The following TAGAP variants were observed in gnomAD, a reference collection of about 807,000 sequenced individuals.
TAGAP encodes the protein T-cell activation Rho GTPase-activating protein.
Under a neutral mutation model 36.0 loss-of-function variants are expected in TAGAP, and 16 were observed. The ratio of observed to expected loss-of-function variants is 0.44; its 90% CI spans 0.30 to 0.68. TAGAP has a LOEUF of 0.68. Ranked by LOEUF, TAGAP falls within the 30% of genes least tolerant of loss-of-function variation. The pLI is 0.09. For synonymous variants in TAGAP, 372 were observed against 377.4 expected (o/e 0.99, Z 0.17); for missense variants, 794 against 921.5 (o/e 0.86, Z 1.79).
In TAGAP at chr6:159,041,231, AAAATT is replaced by A. The variant is rs1007920374; in HGVS notation, c.477+118_477+122del. Reference sequence around the variant, plus strand: ...TAAATAAATAAAGGGCTTAATGAAAAAAATTAAACTCCAAGATCAGTGTACCTTGC... The same window carrying A: ...TAAATAAATAAAGGGCTTAATGAAAAAAACTCCAAGATCAGTGTACCTTGC... On this transcript the variant is annotated intron_variant, in intron 6 of 9. Coordinates refer to ENST00000367066, the MANE Select transcript of TAGAP (RefSeq NM_054114.5). This position sits in a 1 kb window ranked among gnomAD's most constrained non-coding sequence, Gnocchi z 4.1. 7 of 1,257,680 alleles carry A rather than the reference AAAATT, an allele frequency of 5.6e-6. No homozygotes were observed. In the African/African-American group the frequency reaches 7.5e-5, roughly 14 times the overall value. 77.9% of individuals were successfully genotyped at this position (1,257,680 alleles called of 1,614,324 possible).
At chr6:159,042,616 G>C (rs1779796412) in intron 4 of TAGAP, 1 of 172,956 alleles carries the variant, frequency 5.8e-6, no homozygotes, top group African/African-American at 2.4e-5. Context: ...GGAAATTTCT[G>C]ATATGAAATA....
Position 159,035,981 on chromosome 6 carries a change from C to T in TAGAP, c.2042G>A (p.Gly681Glu). 1 of 1,614,104 alleles carries T rather than the reference C, an allele frequency of 6.2e-7. No individual in the cohort carries two copies. Among genetic ancestry groups the T allele is most frequent in the Non-Finnish European group, 8.5e-7 (1 of 1,179,956 alleles). The change falls in exon 10 of 10, where the codon GGG (glycine) becomes GAG (glutamate). Residue 681 changes from glycine to glutamate, a missense_variant. Physicochemically the swap from Gly to Glu is moderately conservative, Grantham distance 98. Transcript: ENST00000367066. The part of the protein sequence containing the change: ...RTVHASGDSL[G>E]HVSGPGRPEL... ...AGGTCTCCCTGGGCCAGACACGTGC[C>T]CCAGAGAGTCCCCAGAAGCATGGAC...
At chr6:159,044,836 G>T (rs1476092603) in intron 1 of TAGAP, 43 bp downstream of exon 1, 3 of 397,830 alleles carry the variant, frequency 7.5e-6, no homozygotes, top group African/African-American at 4.1e-5. Context: ...GACTTGCGAG[G>T]CAGCTTGTAA....
chr6:159,044,099 G>A, intron 2 of TAGAP, 21 bp downstream of exon 2: 1 of 1,613,992 alleles, frequency 6.2e-7, no homozygotes, highest in Non-Finnish European at 8.5e-7. Context: ...GTGAATGAAT[G>A]AATGTGAGAG....
At position 159,036,280 on chromosome 6, in the gene TAGAP, C is replaced by A. The variant is rs1340943791; in HGVS notation, c.1743G>T (p.Val581=). ...LRPHALSVDD[V]FQGADWERPG... ...GCCTCTCCCAGTCAGCTCCCTGGAACACATCATCCACCGAGAGGGCGTGGG... is the reference window on the plus strand; with the variant it reads ...GCCTCTCCCAGTCAGCTCCCTGGAAAACATCATCCACCGAGAGGGCGTGGG... Residue 581 remains valine (V), a synonymous_variant, in exon 10 of 10, where the codon GTG becomes GTT. Coordinates refer to ENST00000367066, the MANE Select transcript of TAGAP (RefSeq NM_054114.5). The surrounding 1 kb of genome is among the most constrained non-coding windows in gnomAD (Gnocchi z 4.9). 1 of 1,612,658 alleles carries A rather than the reference C, an allele frequency of 6.2e-7. No homozygotes were observed. The highest frequency in any genetic ancestry group is 1.7e-5 in the Admixed American group (1 of 59,988).
chr6:159,036,813 A>T lies in TAGAP; in HGVS notation c.1210T>A (p.Phe404Ile), dbSNP rs1583769862. 1 of 1,614,222 alleles carries T rather than the reference A, an allele frequency of 6.2e-7. No homozygotes were observed. The highest frequency in any genetic ancestry group is 1.1e-5 in the South Asian group (1 of 91,092). Reference protein sequence around the residue: ...NQTLTKSEGDFPVPRVGSRLE... With the variant: ...NQTLTKSEGDIPVPRVGSRLE... ...CGAGAGCCTACCCGGGGCACGGGGA[A>T]GTCCCCTTCACTCTTTGTTAGTGTT... The change falls in exon 10 of 10, where the codon TTC becomes ATC. Residue 404 changes from phenylalanine to isoleucine, a missense_variant. Phe to Ile is a conservative substitution (Grantham distance 21, BLOSUM62 0). Transcript: ENST00000367066. This position sits in a 1 kb window ranked among gnomAD's most constrained non-coding sequence, Gnocchi z 4.9.
In TAGAP at chr6:159,036,797, A is replaced by T; in HGVS notation, c.1226T>A (p.Val409Glu). The T allele has an allele frequency of 6.2e-7, 1 of 1,614,154 alleles. No individual in the cohort carries two copies. Among genetic ancestry groups the T allele is most frequent in the Non-Finnish European group, 8.5e-7 (1 of 1,180,024 alleles). ...CTCCTCACTTTCCAAACGAGAGCCT[A>T]CCCGGGGCACGGGGAAGTCCCCTTC... ...KSEGDFPVPR[V>E]GSRLESEEAE... Residue 409 changes from valine to glutamate, a missense_variant, in exon 10 of 10, where the codon GTA becomes GAA. By Grantham distance (121) the Val-to-Glu change is moderately radical. Transcript: ENST00000367066. This position sits in a 1 kb window ranked among gnomAD's most constrained non-coding sequence, Gnocchi z 4.9.
Position 159,037,003 on chromosome 6 carries a change from A to G in TAGAP, c.1020T>C (p.Ala340=). The G allele has an allele frequency of 6.2e-7, 1 of 1,613,914 alleles. No individual in the cohort carries two copies. The highest frequency in any genetic ancestry group is 8.5e-7 in the Non-Finnish European group (1 of 1,179,990). ...CCTGTGGGCCCGCGCTATCCAAGCC[A>G]GCAGCTGTGGCCATGGGCACCTGGG... ...RQPQVPMATA[A]GLDSAGPQDA... Residue 340 remains alanine (A), a synonymous_variant, in exon 10 of 10, where the codon GCT becomes GCC. Transcript: ENST00000367066. This position sits in a 1 kb window ranked among gnomAD's most constrained non-coding sequence, Gnocchi z 5.1.
rs1456671619 is a variant in TAGAP, at chr6:159,037,400, G to A, written c.899-276C>T. 6.6e-6 allele frequency among the ~76,000 whole-genome samples: 1 copy of A among 152,066 alleles called. No homozygotes were observed. The highest frequency in any genetic ancestry group is 1.5e-5 in the Non-Finnish European group (1 of 68,016). ...GACGGGGTTTCACCATGTTGGCTAG[G>A]CTGTTTTTGAACTCCTGATCTCAGG... On this transcript the variant is annotated intron_variant, in intron 9 of 9. Coordinates refer to ENST00000367066, the MANE Select transcript of TAGAP (RefSeq NM_054114.5). The surrounding 1 kb of genome is among the most constrained non-coding windows in gnomAD (Gnocchi z 5.1).
At chr6:159,043,093 G>A in intron 4 of TAGAP, 1 of 154,120 alleles carries the variant, frequency 6.5e-6, no homozygotes, top group Non-Finnish European at 1.4e-5. Flanking sequence ...ATTGGCAAGT[G>A]GAAGCATGAT....
rs763366333 is a variant in TAGAP, at chr6:159,039,294, G to T, written c.603C>A (p.Leu201=). The stretch of plus-strand genomic sequence containing the variant: ...TGAGTAGCAGGAGGTTGGGCCGGGG[G>T]AGCTTATCTGCAACCCTGGAATAAA... ...IEALKQVADK[L]PRPNLLLLKH... The change falls in exon 8 of 10, where the codon CTC becomes CTA. Residue 201 remains leucine (L), a synonymous_variant. Transcript: ENST00000367066. 5 of 1,612,890 alleles carry T rather than the reference G, an allele frequency of 3.1e-6. No individual in the cohort carries two copies. Among genetic ancestry groups the T allele is most frequent in the Non-Finnish European group, 4.2e-6 (5 of 1,179,748 alleles).
chr6:159,036,624 C>A lies in TAGAP; in HGVS notation c.1399G>T (p.Ala467Ser), dbSNP rs1433486337. The A allele has an allele frequency of 6.2e-7, 1 of 1,614,110 alleles. No individual in the cohort carries two copies. The highest frequency in any genetic ancestry group is 2.2e-5 in the East Asian group (1 of 44,868). ...LKAFSSSSLD[A>S]SSDSSPVASP... ...GCCACGGGCGAGCTGTCAGAGGACG[C>A]GTCCAGCGAGCTGCTGGAGAAGGCT... The change falls in exon 10 of 10, where the codon GCG becomes TCG. Residue 467 changes from alanine (A) to serine (S), a missense_variant. Physicochemically the swap from Ala to Ser is moderately conservative, Grantham distance 99 (BLOSUM62 1). Coordinates refer to ENST00000367066, the MANE Select transcript of TAGAP (RefSeq NM_054114.5). This position sits in a 1 kb window ranked among gnomAD's most constrained non-coding sequence, Gnocchi z 4.9.
At chr6:159,038,349 A>G (rs1403866634) in intron 8 of TAGAP, 121 bp from the exon 9 acceptor site, 1 of 576,728 alleles carries the variant, frequency 1.7e-6, no homozygotes, top group Admixed American at 3.3e-5. Context: ...TGAGATCTTT[A>G]TGTGTCTGAA....
chr6:159,041,288 G>A lies in TAGAP; in HGVS notation c.477+66C>T. The A allele has an allele frequency of 1.3e-6, 2 of 1,572,032 alleles. No individual in the cohort carries two copies. The highest frequency in any genetic ancestry group is 1.7e-6 in the Non-Finnish European group (2 of 1,156,746). ...GTGTGGGGAGAAGAGCCTATTTCTT[G>A]CATCCTGAGAATGAGTGTGTCAGGG... On this transcript the variant is annotated intron_variant, in intron 6 of 9. Transcript: ENST00000367066. The surrounding 1 kb of genome is among the most constrained non-coding windows in gnomAD (Gnocchi z 4.1).
chr6:159,036,192 C>T lies in TAGAP; in HGVS notation c.1831G>A (p.Glu611Lys). The change falls in exon 10 of 10, where the codon GAG becomes AAG. Residue 611 changes from glutamate (E) to lysine (K), a missense_variant. Physicochemically the swap from Glu to Lys is moderately conservative, Grantham distance 56. Transcript: ENST00000367066. This position sits in a 1 kb window ranked among gnomAD's most constrained non-coding sequence, Gnocchi z 4.9. The stretch of plus-strand genomic sequence containing the variant: ...GTCATGCTCCCCACGGTCTGGCTCT[C>T]GGAGGCCACTAGTCTGGCTGCCGGG... ...QGPAARLVASESQTVGSMTVG... is the reference protein window; with the variant it reads ...QGPAARLVASKSQTVGSMTVG... 1.2e-6 allele frequency: 2 copies of T among 1,611,194 alleles called. No individual in the cohort carries two copies. Among genetic ancestry groups the T allele is most frequent in the Non-Finnish European group, 1.7e-6 (2 of 1,178,868 alleles).
chr6:159,042,143 A>G lies in TAGAP; in HGVS notation c.250T>C (p.Ser84Pro), dbSNP rs751052061. 6.2e-7 allele frequency: 1 copy of G among 1,614,230 alleles called. No homozygotes were observed. Among genetic ancestry groups the G allele is most frequent in the Non-Finnish European group, 8.5e-7 (1 of 1,180,040 alleles). The change falls in exon 5 of 10, where the codon TCG becomes CCG. Residue 84 changes from serine to proline, a missense_variant. Physicochemically the swap from Ser to Pro is moderately conservative, Grantham distance 74 (BLOSUM62 -1). Coordinates refer to ENST00000367066, the MANE Select transcript of TAGAP (RefSeq NM_054114.5). The stretch of plus-strand genomic sequence containing the variant: ...ATTGACAAGGGCTGATCAAATAGCG[A>G]TGCTTTCAAGTCTGTCTCCAAAGCC... Reference protein sequence around the residue: ...SGALETDLKASLFDQPLSIIC... With the variant: ...SGALETDLKAPLFDQPLSIIC...
At chr6:159,044,227 G>A in intron 1 of TAGAP, 23 bp from the exon 2 acceptor site, 1 of 1,514,244 alleles carries the variant, frequency 6.6e-7, no homozygotes, top group Non-Finnish European at 8.9e-7. Context: ...ACATGGAAAG[G>A]AGTTAGGAGG....
Position 159,037,226 on chromosome 6 carries a change from T to C in TAGAP, c.899-102A>G, listed in dbSNP as rs1779578315. ...TCATTTTTTGAGATGGAGTCTCGGT[T>C]TGTTGCCCAGGCTGGAGTGCAGTGA... On this transcript the variant is annotated intron_variant, in intron 9 of 9. Transcript: ENST00000367066. This position sits in a 1 kb window ranked among gnomAD's most constrained non-coding sequence, Gnocchi z 5.1. 3 of 1,115,334 alleles carry C rather than the reference T, an allele frequency of 2.7e-6. No individual in the cohort carries two copies. The African/African-American group carries it at 4.9e-5, about 18-fold the overall frequency. 69.1% of individuals were successfully genotyped at this position (1,115,334 alleles called of 1,614,324 possible).
In TAGAP at chr6:159,036,738, C is replaced by G; in HGVS notation, c.1285G>C (p.Ala429Pro). ...EDPFPEEVFP[A>P]VQGKTKRPVD... ...GGCCTCTTGGTTTTGCCTTGCACTGCAGGGAAGACCTCCTCTGGAAATGGG... is the reference window on the plus strand; with the variant it reads ...GGCCTCTTGGTTTTGCCTTGCACTGGAGGGAAGACCTCCTCTGGAAATGGG... The change falls in exon 10 of 10, where the codon GCA becomes CCA. Residue 429 changes from alanine (A) to proline (P), a missense_variant. By Grantham distance (27) the Ala-to-Pro change is conservative. Coordinates refer to ENST00000367066, the MANE Select transcript of TAGAP (RefSeq NM_054114.5). This position sits in a 1 kb window ranked among gnomAD's most constrained non-coding sequence, Gnocchi z 4.9. The G allele has an allele frequency of 1.2e-6, 2 of 1,614,224 alleles. No individual in the cohort carries two copies. Among genetic ancestry groups the G allele is most frequent in the Non-Finnish European group, 1.7e-6 (2 of 1,180,030 alleles).
Sources: gnomAD v4.1 joint callset for allele counts (sites outside exome capture counted in the v4.1 genomes callset) on GRCh38, gnomAD v4.1.1 for gene constraint, Gnocchi (gnomAD v3.1) non-coding constraint, MANE v1.5 for transcripts, NCBI Gene and HGNC (gene_info 2026-07-23, HGNC 2026-07-21) for gene names.